LEPR: variants seen among roughly 807,000 people sequenced by gnomAD.
LEPR encodes OB receptor.
LEPR carries 56 observed loss-of-function variants against 114.7 expected under a neutral mutation model. The observed-to-expected ratio is 0.49, with a 90% CI of 0.39 to 0.61. The LOEUF (loss-of-function observed/expected upper bound fraction) is 0.61, where lower values mean the gene tolerates loss of function less well. Ranked by LOEUF, LEPR falls within the 20% of genes least tolerant of loss-of-function variation. The probability of loss-of-function intolerance (pLI) is 0.00; values close to 1 mark genes in which losing one functional copy is unlikely to be tolerated. For synonymous variants in LEPR, 443 were observed against 461.4 expected, an observed-to-expected ratio of 0.96 and a Z score of 0.51; for missense variants, 1,202 against 1,352.9, an observed-to-expected ratio of 0.89 and a Z score of 1.75.
intron 1 of LEPR, among the ~76,000 whole-genome samples, chr1:65,421,164 C>G (rs916114304): frequency 6.6e-6 from 1 of 152,200 alleles, no homozygotes; most frequent in Non-Finnish European, 1.5e-5. Flanking sequence ...CATTGGGAAA[C>G]TTAATCCTCT....
intron 2 of LEPR, among the ~76,000 whole-genome samples, chr1:65,535,050 A>G (rs913887708): frequency 2.0e-5 from 3 of 152,184 alleles, no homozygotes; most frequent in African/African-American, 7.2e-5. Context: ...ACACCAACAG[A>G]ATTTCTGAAC....
At chr1:65,536,213 G>A (rs1441689140) in intron 2 of LEPR, among the ~76,000 whole-genome samples, 1 of 152,104 alleles carries the variant, frequency 6.6e-6, no homozygotes, top group African/African-American at 2.4e-5. Flanking sequence ...ATTAGTTCCT[G>A]TGAGCACTGA....
chr1:65,570,588 A>ACT lies in LEPR; in HGVS notation c.160_161dup (p.Lys55GlnfsTer62). On this transcript the variant is annotated frameshift_variant, in exon 4 of 20. Transcript: ENST00000349533. LOFTEE classifies it high-confidence loss of function. ...ATGACTACTTCCTTTTGCCTGCTGG[A>ACT]CTCTCAAAGAATACTTCAAATTCGA... The ACT allele has an allele frequency of 6.2e-7, 1 of 1,613,940 alleles. No individual in the cohort carries two copies. The highest frequency in any genetic ancestry group is 8.5e-7 in the Non-Finnish European group (1 of 1,179,936).
intron 2 of LEPR, among the ~76,000 whole-genome samples, chr1:65,436,172 G>GAAAC (rs1207192332): frequency 6.6e-6 from 1 of 152,216 alleles, no homozygotes; most frequent in Non-Finnish European, 1.5e-5. Context: ...TAGTTGAAGA[G>GAAAC]AAACAGTTCA....
chr1:65,619,229 A>G (rs563326211), intron 16 of LEPR, among the ~76,000 whole-genome samples: 1 of 152,308 alleles, frequency 6.6e-6, no homozygotes, highest in South Asian at 2.1e-4. Context: ...ATCACCACTG[A>G]TGCGCAGGTA....
intron 19 of LEPR, chr1:65,635,133 G>A: frequency 1.1e-6 from 1 of 942,348 alleles, no homozygotes. Flanking sequence ...ATGAAGAACA[G>A]CTGGGTATAC....
chr1:65,631,123 T>A (rs1658501572), intron 19 of LEPR, among the ~76,000 whole-genome samples: 1 of 152,138 alleles, frequency 6.6e-6, no homozygotes, highest in Non-Finnish European at 1.5e-5. Flanking sequence ...TCTGGCCAGA[T>A]GAGGAAAGAT....
chr1:65,476,496 T>C (rs541598018), intron 2 of LEPR, among the ~76,000 whole-genome samples: 86 of 152,280 alleles, frequency 5.6e-4, no homozygotes, highest in Non-Finnish European at 9.8e-4. Context: ...GACTTCCCTT[T>C]GCTCACAATG....
intron 2 of LEPR, among the ~76,000 whole-genome samples, chr1:65,479,786 A>G (rs75795230): frequency 6.6e-6 from 1 of 152,212 alleles, no homozygotes; most frequent in African/African-American, 2.4e-5. Flanking sequence ...GTAGAAGACA[A>G]TCAGCAGCAT....
intron 2 of LEPR, among the ~76,000 whole-genome samples, chr1:65,440,509 CT>C (rs1646636239): frequency 6.6e-6 from 1 of 152,040 alleles, no homozygotes; most frequent in Non-Finnish European, 1.5e-5. Context: ...GTGACGGTGG[CT>C]TCTGTTTAAG....
At chr1:65,466,828 C>T (rs1050904166) in intron 2 of LEPR, among the ~76,000 whole-genome samples, 1 of 152,146 alleles carries the variant, frequency 6.6e-6, no homozygotes, top group African/African-American at 2.4e-5. Flanking sequence ...GGCTATTGAA[C>T]CTTGTGCATG....
At chr1:65,438,048 C>T (rs1415274119) in intron 2 of LEPR, among the ~76,000 whole-genome samples, 1 of 147,728 alleles carries the variant, frequency 6.8e-6, no homozygotes, top group Non-Finnish European at 1.5e-5. Flanking sequence ...CTCAAGCAAT[C>T]TTCTTGCCTG....
At chr1:65,631,773 A>G (rs932177407) in intron 19 of LEPR, among the ~76,000 whole-genome samples, 2 of 152,198 alleles carry the variant, frequency 1.3e-5, no homozygotes, top group Admixed American at 6.5e-5. Flanking sequence ...TTTAGAGTGT[A>G]AAAGAACTAT....
chr1:65,640,228 T>A lies in LEPR; in HGVS notation c.*3213T>A, dbSNP rs1658824251. 6.6e-6 allele frequency: 1 copy of A among 152,188 alleles called. No individual in the cohort carries two copies. The highest frequency in any genetic ancestry group is 6.5e-5 in the Admixed American group (1 of 15,278). The allele number at this position is 152,188 out of a possible 1,614,324, so 9.4% of individuals were successfully genotyped here. On this transcript the variant is annotated 3_prime_UTR_variant, in exon 20 of 20. Coordinates refer to ENST00000349533, the MANE Select transcript of LEPR (RefSeq NM_002303.6). ...GAGTTGAGAATTATGCATACAGGGC[T>A]CACAGGCGGAGTTGGACAATATGCT...
At chr1:65,590,453 T>C (rs752954151) in intron 5 of LEPR, among the ~76,000 whole-genome samples, 1 of 151,212 alleles carries the variant, frequency 6.6e-6, no homozygotes, top group Non-Finnish European at 1.5e-5. Context: ...GAGGTAATCA[T>C]GGGGGTGGTT....
intron 2 of LEPR, among the ~76,000 whole-genome samples, chr1:65,516,376 G>A (rs1486064910): frequency 6.6e-6 from 1 of 152,142 alleles, no homozygotes; most frequent in Non-Finnish European, 1.5e-5. Flanking sequence ...CCCAGGAGGT[G>A]GAGGTTGCAG....
intron 2 of LEPR, chr1:65,525,620 C>G: frequency 1.0e-6 from 1 of 985,650 alleles, no homozygotes. Flanking sequence ...CCCACCCCAG[C>G]CTGCTCCTGC....
Position 65,480,571 on chromosome 1 carries a change from C to T in LEPR, c.-21+55193C>T, listed in dbSNP as rs145073848. On this transcript the variant is annotated intron_variant, in intron 2 of 19. Transcript: ENST00000349533. ...CAAAATACCCACAGGTGAATGATAA[C>T]GAAAGTATCTCATATCAAAATTTAC... Among the ~76,000 whole-genome samples the T allele has an allele frequency of 4.6e-3, 699 of 152,106 alleles. 6 individuals carry two copies. The highest frequency in any genetic ancestry group is 0.016 in the African/African-American group (656 of 41,508).
At chr1:65,614,793 T>C (rs1413068100) in intron 14 of LEPR, among the ~76,000 whole-genome samples, 1 of 152,140 alleles carries the variant, frequency 6.6e-6, no homozygotes, top group Non-Finnish European at 1.5e-5. Context: ...ATTTGTAAGG[T>C]AAGAGGGCCT....
Sources: gnomAD v4.1 joint callset for allele counts (sites outside exome capture counted in the v4.1 genomes callset) on GRCh38, gnomAD v4.1.1 for gene constraint, MANE v1.5 for transcripts, NCBI Gene and HGNC (gene_info 2026-07-23, HGNC 2026-07-21) for gene names.